F13A1: variants seen among roughly 807,000 people sequenced by gnomAD.
F13A1 encodes coagulation factor XIII A chain.
F13A1 carries 47 observed loss-of-function variants against 80.1 expected under a neutral mutation model. That is an observed-to-expected ratio of 0.59 (90% CI 0.46 to 0.75). The LOEUF (loss-of-function observed/expected upper bound fraction) is 0.75. Among genes scored for constraint, F13A1 ranks in the 30% least tolerant of loss-of-function variants. The pLI, the probability that F13A1 is intolerant of heterozygous loss-of-function variation, is 0.00. For missense variants in F13A1, 817 were observed against 930.4 expected (o/e 0.88, Z 1.59); for synonymous variants, 349 against 344.9 (o/e 1.01, Z -0.13).
rs1267016682 is a variant in F13A1 at position 6,211,136 on chromosome 6, C to T, written c.1112+10897G>A. Reference sequence around the variant, plus strand: ...CTGGGACCTTGGTTAAGTTACCGTGCCACTAACAGTAATTACCTTAACATG... The same window carrying T: ...CTGGGACCTTGGTTAAGTTACCGTGTCACTAACAGTAATTACCTTAACATG... On this transcript the variant is annotated intron_variant, in intron 8 of 14. Transcript: ENST00000264870. Among the ~76,000 whole-genome samples the T allele has an allele frequency of 5.3e-5, 8 of 152,244 alleles. No homozygotes were observed. In the East Asian group the frequency reaches 1.5e-3, roughly 29 times the overall value.
chr6:6,197,105 A>G (rs1228441928), intron 9 of F13A1, 118 bp downstream of exon 9: 2 of 857,634 alleles, frequency 2.3e-6, no homozygotes, highest in Non-Finnish European at 3.9e-6. Flanking sequence ...TGTGCCCAGG[A>G]AGCACACTTC....
intron 3 of F13A1, among the ~76,000 whole-genome samples, chr6:6,268,321 A>G (rs754789925): frequency 6.6e-6 from 1 of 152,238 alleles, no homozygotes; most frequent in Non-Finnish European, 1.5e-5. Flanking sequence ...GAAGGAAACC[A>G]TTATCATCAT....
At chr6:6,201,943 C>T (rs1447398932) in intron 8 of F13A1, among the ~76,000 whole-genome samples, 2 of 152,016 alleles carry the variant, frequency 1.3e-5, no homozygotes, top group African/African-American at 2.4e-5. Context: ...TTTAGCATAT[C>T]TTTAATTTTT....
At chr6:6,222,212 A>T in intron 7 of F13A1, 41 bp from the exon 8 acceptor site, 1 of 1,613,254 alleles carries the variant, frequency 6.2e-7, no homozygotes, top group Non-Finnish European at 8.5e-7. Flanking sequence ...CATCACCAGC[A>T]TTTAATAAAC....
At chr6:6,181,837 G>A (rs767934787) in intron 11 of F13A1, 151 bp downstream of exon 11, 12 of 816,702 alleles carry the variant, frequency 1.5e-5, no homozygotes, top group South Asian at 3.2e-5. Context: ...CATATGTGAC[G>A]TGTCTTTCAC....
At chr6:6,240,261 G>A (rs761541403) in intron 6 of F13A1, among the ~76,000 whole-genome samples, 14 of 152,106 alleles carry the variant, frequency 9.2e-5, no homozygotes, top group Non-Finnish European at 8.8e-5. Context: ...AGAAATGTAA[G>A]CTTAATAATT....
chr6:6,195,646 C>G, intron 10 of F13A1, 151 bp downstream of exon 10: 2 of 740,570 alleles, frequency 2.7e-6, no homozygotes, highest in Non-Finnish European at 4.8e-6. Context: ...CATTAATAGC[C>G]TGGAAGTTGG....
intron 3 of F13A1, among the ~76,000 whole-genome samples, chr6:6,272,559 T>G (rs946322163): frequency 6.6e-6 from 1 of 152,214 alleles, no homozygotes; most frequent in Non-Finnish European, 1.5e-5. Flanking sequence ...GCCCCTCATA[T>G]GCTATACTTA....
chr6:6,313,433 G>A (rs962548583), intron 2 of F13A1, among the ~76,000 whole-genome samples: 3 of 151,880 alleles, frequency 2.0e-5, no homozygotes, highest in African/African-American at 7.3e-5. Flanking sequence ...AAAATCTCCG[G>A]AGGAGCAACT....
Position 6,162,992 on chromosome 6 carries a change from C to G in F13A1, c.1908+4466G>C, listed in dbSNP as rs957081858. Among the ~76,000 whole-genome samples the G allele has an allele frequency of 9.9e-5, 15 of 152,184 alleles. No individual in the cohort carries two copies. The highest frequency in any genetic ancestry group is 9.8e-4 in the Admixed American group (15 of 15,276). On this transcript the variant is annotated intron_variant, in intron 13 of 14. Coordinates refer to ENST00000264870, the MANE Select transcript of F13A1 (RefSeq NM_000129.4). This position sits in a 1 kb window ranked among gnomAD's most constrained non-coding sequence, Gnocchi z 4.2. The stretch of plus-strand genomic sequence containing the variant: ...GATGGTATAGAGGGTTAAATAAGAT[C>G]ATAGAAGAGAGGCGTTTAATAATGT...
rs1455397031 is a variant in F13A1, at chr6:6,296,287, T to A, written c.319+9064A>T. On this transcript the variant is annotated intron_variant, in intron 3 of 14. Coordinates refer to ENST00000264870, the MANE Select transcript of F13A1 (RefSeq NM_000129.4). ...GTTTTTTCCAATTCTGTGAAGAAAG[T>A]CACTGGTAGCTTGATGGGGATGGCA... is the stretch of plus-strand genomic sequence containing the variant. Among the ~76,000 whole-genome samples, 4 of 151,848 alleles carry A rather than the reference T, an allele frequency of 2.6e-5. No individual in the cohort carries two copies. The East Asian group carries it at 7.7e-4, about 29-fold the overall frequency.
intron 3 of F13A1, among the ~76,000 whole-genome samples, chr6:6,296,103 A>G (rs1323949584): frequency 0.064 from 9,539 of 148,672 alleles, 746 homozygotes; most frequent in African/African-American, 0.19. Context: ...CCATTGATCT[A>G]TATCTCTGTT....
intron 3 of F13A1, among the ~76,000 whole-genome samples, chr6:6,293,417 T>C (rs1294625319): frequency 3.3e-5 from 5 of 151,958 alleles, no homozygotes; most frequent in African/African-American, 1.2e-4. Flanking sequence ...TTGCCTTTCA[T>C]GATTTGTCGA....
At chr6:6,300,656 G>A (rs1758414374) in intron 3 of F13A1, among the ~76,000 whole-genome samples, 1 of 152,066 alleles carries the variant, frequency 6.6e-6, no homozygotes, top group Non-Finnish European at 1.5e-5. Context: ...ACTCCCTAGT[G>A]AGATGAACCC....
intron 6 of F13A1, among the ~76,000 whole-genome samples, chr6:6,227,157 A>G (rs956495993): frequency 6.6e-6 from 1 of 152,248 alleles, no homozygotes; most frequent in Non-Finnish European, 1.5e-5. Flanking sequence ...TGTGAATGAC[A>G]AAGCCTTCAC....
chr6:6,153,487 G>C (rs1760419201), intron 13 of F13A1, among the ~76,000 whole-genome samples: 1 of 152,168 alleles, frequency 6.6e-6, no homozygotes, highest in Non-Finnish European at 1.5e-5. Flanking sequence ...CTAAATTTAT[G>C]GCTATGGGAT....
At chr6:6,172,332 A>G (rs930817564) in intron 12 of F13A1, among the ~76,000 whole-genome samples, 8 of 152,100 alleles carry the variant, frequency 5.3e-5, no homozygotes, top group Non-Finnish European at 8.8e-5. Flanking sequence ...AACAATCCCC[A>G]TGACTGTTGT....
At chr6:6,255,133 G>C (rs193272700) in intron 4 of F13A1, among the ~76,000 whole-genome samples, 1 of 152,074 alleles carries the variant, frequency 6.6e-6, no homozygotes, top group East Asian at 1.9e-4. Flanking sequence ...CTATGGAGGC[G>C]GGGGTAACAT....
chr6:6,167,304 C>A (rs141911243), intron 13 of F13A1, among the ~76,000 whole-genome samples, 154 bp downstream of exon 13: 1 of 147,268 alleles, frequency 6.8e-6, no homozygotes, highest in Non-Finnish European at 1.5e-5. Context: ...TTTCAAAGAA[C>A]AAGAGGATCC....
Sources: allele counts gnomAD v4.1 joint callset (sites outside exome capture counted in the v4.1 genomes callset), GRCh38; gene constraint gnomAD v4.1.1; non-coding constraint Gnocchi (gnomAD v3.1); transcripts MANE v1.5; gene names NCBI Gene and HGNC (gene_info 2026-07-23, HGNC 2026-07-21).